Variants in NRG3 observed in about 807,000 individuals in gnomAD.
NRG3 encodes the protein neuregulin 3, also known as pro-neuregulin-3, membrane-bound isoform.
Under a neutral mutation model 66.9 loss-of-function variants are expected in NRG3, and 31 were observed. The ratio of observed to expected loss-of-function variants is 0.46; its 90% CI spans 0.35 to 0.63. The LOEUF is 0.63. Ranked by LOEUF, NRG3 falls within the 20% of genes least tolerant of loss-of-function variation. The pLI is 0.00. For synonymous variants in NRG3, 393 were observed against 359.4 expected, an observed-to-expected ratio of 1.09 and a Z score of -1.06; for missense variants, 910 against 878.9, an observed-to-expected ratio of 1.04 and a Z score of -0.45.
At chr10:82,336,245 G>C (rs549336729) in intron 1 of NRG3, among the ~76,000 whole-genome samples, 3 of 152,230 alleles carry the variant, frequency 2.0e-5, no homozygotes, top group African/African-American at 7.2e-5. Context: ...AGGAGATATG[G>C]AGTGCAGTGT....
rs188374628 is a variant in NRG3, at chr10:82,339,135, T to G, written c.824-19604T>G. On this transcript the variant is annotated intron_variant, in intron 1 of 8. Coordinates refer to ENST00000372141, the MANE Select transcript of NRG3 (RefSeq NM_001010848.4). ...AATCTGATTGCGTATCCCTAAGACCTGGATGTTTTCAAAATGATAAATGAC... is the reference window on the plus strand; with the variant it reads ...AATCTGATTGCGTATCCCTAAGACCGGGATGTTTTCAAAATGATAAATGAC... 2.0e-5 allele frequency among the ~76,000 whole-genome samples: 3 copies of G among 152,230 alleles called. 1 individual carries two copies. The highest frequency in any genetic ancestry group is 2.0e-4 in the Admixed American group (3 of 15,282).
chr10:82,031,785 C>G (rs2062579879), intron 1 of NRG3, among the ~76,000 whole-genome samples: 1 of 152,068 alleles, frequency 6.6e-6, no homozygotes, highest in African/African-American at 2.4e-5. Flanking sequence ...TCCTGCTTGG[C>G]CCCCATAAGT....
intron 2 of NRG3, among the ~76,000 whole-genome samples, chr10:82,458,034 G>A (rs1006825578): frequency 6.6e-6 from 1 of 152,198 alleles, no homozygotes; most frequent in African/African-American, 2.4e-5. Context: ...TGGGTGGGTG[G>A]GGTGTGCTGG....
chr10:82,303,853 C>A (rs938155151), intron 1 of NRG3, among the ~76,000 whole-genome samples: 1 of 151,900 alleles, frequency 6.6e-6, no homozygotes, highest in Non-Finnish European at 1.5e-5. Context: ...GGGGACAGAG[C>A]AAGACCCTGT....
intron 6 of NRG3, among the ~76,000 whole-genome samples, chr10:82,964,076 T>C (rs1850948012): frequency 6.6e-6 from 1 of 152,252 alleles, no homozygotes; most frequent in Non-Finnish European, 1.5e-5. Context: ...TTATAACTTA[T>C]TGATTGAATA....
chr10:82,760,058 A>G (rs1045694658), intron 3 of NRG3, among the ~76,000 whole-genome samples: 5 of 152,122 alleles, frequency 3.3e-5, no homozygotes, highest in African/African-American at 1.2e-4. Flanking sequence ...GGATTAGGGT[A>G]ACCTCCTGGA....
chr10:82,107,562 T>G (rs2067143205), intron 1 of NRG3, among the ~76,000 whole-genome samples: 1 of 152,194 alleles, frequency 6.6e-6, no homozygotes, highest in Non-Finnish European at 1.5e-5. Context: ...TTTCCCAATA[T>G]ATAACAAAAC....
chr10:82,491,914 T>C (rs1843181545), intron 2 of NRG3, among the ~76,000 whole-genome samples: 1 of 152,240 alleles, frequency 6.6e-6, no homozygotes, highest in Non-Finnish European at 1.5e-5. Context: ...GAATTTAAAA[T>C]CTTTGGAATA....
At chr10:82,673,439 G>A (rs185450246) in intron 2 of NRG3, among the ~76,000 whole-genome samples, 2 of 152,228 alleles carry the variant, frequency 1.3e-5, no homozygotes, top group East Asian at 3.9e-4. Flanking sequence ...TAGTAAAATT[G>A]TTTTCATTAT....
chr10:82,936,494 A>G (rs780480724), intron 4 of NRG3, among the ~76,000 whole-genome samples: 1 of 152,176 alleles, frequency 6.6e-6, no homozygotes, highest in Non-Finnish European at 1.5e-5. Flanking sequence ...CAAATAATAC[A>G]TATCTGCAGT....
At chr10:82,495,575 G>A (rs1480807293) in intron 2 of NRG3, among the ~76,000 whole-genome samples, 1 of 152,082 alleles carries the variant, frequency 6.6e-6, no homozygotes, top group East Asian at 1.9e-4. Flanking sequence ...ATCTGGGAAA[G>A]TTGGGCACGC....
At chr10:82,246,429 T>C (rs922308019) in intron 1 of NRG3, among the ~76,000 whole-genome samples, 1 of 152,182 alleles carries the variant, frequency 6.6e-6, no homozygotes, top group Non-Finnish European at 1.5e-5. Context: ...TGATGAATAA[T>C]TTAGCTGGAT....
chr10:82,162,040 G>A (rs2071641279), intron 1 of NRG3, among the ~76,000 whole-genome samples: 1 of 152,124 alleles, frequency 6.6e-6, no homozygotes, highest in South Asian at 2.1e-4. Context: ...TATATTAAGG[G>A]AAACTTCCAG....
At chr10:81,965,314 A>T (rs1456051762) in intron 1 of NRG3, among the ~76,000 whole-genome samples, 1 of 152,226 alleles carries the variant, frequency 6.6e-6, no homozygotes, top group East Asian at 1.9e-4. Flanking sequence ...TACTTATTAG[A>T]TGTGGGGACT....
chr10:82,522,390 A>G (rs1846280171), intron 2 of NRG3, among the ~76,000 whole-genome samples: 1 of 152,144 alleles, frequency 6.6e-6, no homozygotes, highest in Admixed American at 6.5e-5. Flanking sequence ...AAGCGTTAGA[A>G]TCAACTTGCA....
chr10:82,261,435 T>C (rs2078024956), intron 1 of NRG3, among the ~76,000 whole-genome samples: 1 of 152,152 alleles, frequency 6.6e-6, no homozygotes, highest in Admixed American at 6.5e-5. Flanking sequence ...TATTTCTTTA[T>C]AGCAGTGTGA....
chr10:82,003,718 T>C (rs1056464081), intron 1 of NRG3, among the ~76,000 whole-genome samples: 8 of 152,288 alleles, frequency 5.3e-5, no homozygotes, highest in African/African-American at 1.4e-4. Context: ...CTGCTGCTGT[T>C]GAAGCCAAAG....
At position 82,291,044 on chromosome 10, in the gene NRG3, A is replaced by G. The variant is rs572599574; in HGVS notation, c.824-67695A>G. On this transcript the variant is annotated intron_variant, in intron 1 of 8. Transcript: ENST00000372141. Reference sequence around the variant, plus strand: ...TAACACCTGGTTTCAATTGTTATACATGTTTTCTCAGCTAGTGCTATTGCA... The same window carrying G: ...TAACACCTGGTTTCAATTGTTATACGTGTTTTCTCAGCTAGTGCTATTGCA... Among the ~76,000 whole-genome samples the G allele has an allele frequency of 2.6e-5, 4 of 152,154 alleles. No individual in the cohort carries two copies. The East Asian group carries it at 7.7e-4, about 29-fold the overall frequency.
intron 2 of NRG3, among the ~76,000 whole-genome samples, chr10:82,474,943 G>A (rs1323156063): frequency 6.6e-6 from 1 of 151,738 alleles, no homozygotes; most frequent in Non-Finnish European, 1.5e-5. Context: ...AACACTGCAG[G>A]CCAGAGGGCA....
Sources: gnomAD v4.1 joint callset for allele counts (sites outside exome capture counted in the v4.1 genomes callset) on GRCh38, gnomAD v4.1.1 for gene constraint, MANE v1.5 for transcripts, NCBI Gene and HGNC (gene_info 2026-07-23, HGNC 2026-07-21) for gene names.